The following RAPGEF4 variants were observed in gnomAD, a reference collection of about 807,000 sequenced individuals.
The protein encoded by RAPGEF4 is Rap guanine nucleotide exchange factor 4.
In RAPGEF4, 66 loss-of-function variants were observed where a neutral mutation model predicts 147.9. The observed-to-expected ratio is 0.45, with a 90% CI of 0.37 to 0.55. The LOEUF is 0.55. Ranked by LOEUF, RAPGEF4 falls within the 20% of genes least tolerant of loss-of-function variation. The probability of loss-of-function intolerance (pLI) is 0.00; values close to 1 mark genes in which losing one functional copy is unlikely to be tolerated. For synonymous variants in RAPGEF4, 419 were observed against 442.7 expected, an observed-to-expected ratio of 0.95 and a Z score of 0.67; for missense variants, 1,071 against 1,257.3, an observed-to-expected ratio of 0.85 and a Z score of 2.24.
intron 10 of RAPGEF4, among the ~76,000 whole-genome samples, chr2:172,971,702 C>G (rs781190364): frequency 6.6e-6 from 1 of 152,052 alleles, no homozygotes; most frequent in Non-Finnish European, 1.5e-5. Context: ...AGTAAGGAAT[C>G]TAATTTTAGG....
chr2:172,815,551 G>A (rs1322235156), intron 4 of RAPGEF4, among the ~76,000 whole-genome samples: 1 of 152,246 alleles, frequency 6.6e-6, no homozygotes, highest in Non-Finnish European at 1.5e-5. Flanking sequence ...TGAGGTGTAT[G>A]TGGAGAGATT....
intron 10 of RAPGEF4, among the ~76,000 whole-genome samples, chr2:172,981,169 G>A (rs1010568565): frequency 6.6e-6 from 1 of 152,122 alleles, no homozygotes; most frequent in African/African-American, 2.4e-5. Context: ...AATGAGACTT[G>A]GTGACTGCTT....
At chr2:172,863,954 G>A (rs1451938303) in intron 4 of RAPGEF4, among the ~76,000 whole-genome samples, 2 of 152,156 alleles carry the variant, frequency 1.3e-5, no homozygotes, top group African/African-American at 4.8e-5. Flanking sequence ...AATAATTAAA[G>A]CATAATAGAA....
intron 29 of RAPGEF4, among the ~76,000 whole-genome samples, chr2:173,043,545 C>T (rs781115876): frequency 6.6e-6 from 1 of 152,178 alleles, no homozygotes; most frequent in African/African-American, 2.4e-5. Context: ...TCTTCTCTTC[C>T]GCAGTGGGAG....
intron 1 of RAPGEF4, among the ~76,000 whole-genome samples, chr2:172,780,676 G>GAT (rs1388002035): frequency 1.3e-5 from 2 of 152,210 alleles, no homozygotes; most frequent in African/African-American, 4.8e-5. Context: ...ACCTTGGATT[G>GAT]ATAGCGCTAT....
intron 10 of RAPGEF4, among the ~76,000 whole-genome samples, chr2:172,969,513 C>CTGAG (rs1300337214): frequency 6.6e-6 from 1 of 152,202 alleles, no homozygotes; most frequent in Non-Finnish European, 1.5e-5. Context: ...TAAACCTTTG[C>CTGAG]TGAGTGAGTG....
chr2:173,048,961 A>G (rs1193890218), intron 30 of RAPGEF4, among the ~76,000 whole-genome samples: 1 of 152,208 alleles, frequency 6.6e-6, no homozygotes, highest in East Asian at 1.9e-4. Context: ...ACTGCCAACA[A>G]ATCCTGCCTC....
At chr2:172,950,339 T>C (rs9677534) in intron 6 of RAPGEF4, among the ~76,000 whole-genome samples, 1,588 of 152,288 alleles carry the variant, frequency 0.01, 29 homozygotes, top group African/African-American at 0.036. Context: ...AAGGTGACCC[T>C]GTTCTGCCTC....
chr2:172,845,508 A>T (rs1310207808), intron 4 of RAPGEF4, among the ~76,000 whole-genome samples: 1 of 152,132 alleles, frequency 6.6e-6, no homozygotes, highest in Non-Finnish European at 1.5e-5. Flanking sequence ...CAGCAAAAAA[A>T]TTGCTTAGAG....
chr2:172,976,542 CA>C (rs948344057), intron 10 of RAPGEF4, among the ~76,000 whole-genome samples: 2 of 152,048 alleles, frequency 1.3e-5, no homozygotes, highest in Non-Finnish European at 2.9e-5. Context: ...CCCACACACA[CA>C]AAAAAATAGA....
intron 4 of RAPGEF4, chr2:172,821,645 T>G (rs1158208872): frequency 4.9e-6 from 5 of 1,023,782 alleles, no homozygotes; most frequent in Non-Finnish European, 5.8e-6. Flanking sequence ...CACCAGGGTC[T>G]CATTCCTGTG....
At chr2:172,742,103 T>C (rs1269687311) in intron 1 of RAPGEF4, among the ~76,000 whole-genome samples, 1 of 152,252 alleles carries the variant, frequency 6.6e-6, no homozygotes, top group Non-Finnish European at 1.5e-5. Context: ...GTATTTCATC[T>C]GTAAATATTT....
In RAPGEF4 at chr2:172,822,060, G is replaced by A. The variant is rs1375673969; in HGVS notation, c.444+7635G>A. ...GTTACTGTTTGCATTTTGGAATTAT[G>A]CTCAAAAACATCTCTGGCTTTTCTA... On this transcript the variant is annotated intron_variant, in intron 4 of 30. Transcript: ENST00000397081. The A allele has an allele frequency of 4.0e-6, 6 of 1,515,510 alleles. No individual in the cohort carries two copies. In the African/African-American group the frequency reaches 8.3e-5, roughly 21 times the overall value. 93.9% of individuals were successfully genotyped at this position (1,515,510 alleles called of 1,614,324 possible).
chr2:172,913,536 C>T (rs1196778353), intron 4 of RAPGEF4, among the ~76,000 whole-genome samples: 6 of 152,162 alleles, frequency 3.9e-5, no homozygotes, highest in Non-Finnish European at 5.9e-5. Flanking sequence ...TATCTGGAGG[C>T]GTCTTCACTC....
At chr2:172,819,492 G>A (rs1688844253) in intron 4 of RAPGEF4, among the ~76,000 whole-genome samples, 1 of 101,766 alleles carries the variant, frequency 9.8e-6, no homozygotes, top group South Asian at 3.5e-4. Flanking sequence ...TTGAGACGGA[G>A]TCTCGCTCTG....
intron 4 of RAPGEF4, among the ~76,000 whole-genome samples, chr2:172,901,586 A>T (rs1237386778): frequency 6.6e-6 from 1 of 152,232 alleles, no homozygotes; most frequent in Admixed American, 6.5e-5. Context: ...ACAATGATGA[A>T]GTAGAGGAAA....
At chr2:172,791,141 C>T (rs527528957) in intron 1 of RAPGEF4, among the ~76,000 whole-genome samples, 12 of 152,304 alleles carry the variant, frequency 7.9e-5, no homozygotes, top group Admixed American at 2.6e-4. Flanking sequence ...AAGCACTTTT[C>T]CTTAAACTCC....
intron 6 of RAPGEF4, among the ~76,000 whole-genome samples, chr2:172,951,896 G>A (rs1246055953): frequency 6.6e-6 from 1 of 152,152 alleles, no homozygotes; most frequent in Non-Finnish European, 1.5e-5. Context: ...GGATGGCAGG[G>A]GATGGAAGCA....
At chr2:172,991,282 C>A (rs1234480284) in intron 15 of RAPGEF4, among the ~76,000 whole-genome samples, 1 of 152,128 alleles carries the variant, frequency 6.6e-6, no homozygotes, top group Non-Finnish European at 1.5e-5. Flanking sequence ...GTGATGAGAA[C>A]TTTTGGTATT....
Sources: gnomAD v4.1 joint callset for allele counts (sites outside exome capture counted in the v4.1 genomes callset) on GRCh38, gnomAD v4.1.1 for gene constraint, MANE v1.5 for transcripts, NCBI Gene and HGNC (gene_info 2026-07-23, HGNC 2026-07-21) for gene names.